Variants in CTNNA3 observed in about 807,000 individuals in gnomAD.
CTNNA3 encodes the protein catenin alpha-3.
A neutral mutation model predicts 95.7 loss-of-function variants in CTNNA3; 76 were observed. The observed-to-expected ratio is 0.79, with a 90% CI of 0.66 to 0.96. The LOEUF is 0.96. Ranked by LOEUF, CTNNA3 falls within the 40% of genes least tolerant of loss-of-function variation. The probability of loss-of-function intolerance (pLI) is 0.00; values close to 1 mark genes in which losing one functional copy is unlikely to be tolerated. For missense variants in CTNNA3, 1,191 were observed against 1,089.8 expected, an observed-to-expected ratio of 1.09 and a Z score of -1.31; for synonymous variants, 431 against 374.4, an observed-to-expected ratio of 1.15 and a Z score of -1.74.
At chr10:67,745,898 T>G (rs1003976666) in intron 1 of CTNNA3, among the ~76,000 whole-genome samples, 1 of 151,860 alleles carries the variant, frequency 6.6e-6, no homozygotes, top group Non-Finnish European at 1.5e-5. Flanking sequence ...AAGAAAACCA[T>G]AAGACACTGA....
chr10:66,588,905 T>C (rs565974211), intron 10 of CTNNA3, among the ~76,000 whole-genome samples: 16 of 151,158 alleles, frequency 1.1e-4, no homozygotes, highest in African/African-American at 3.9e-4. Context: ...ACAGTGGAGA[T>C]AAAAGAAGGT....
At chr10:67,703,488 T>A (rs563799843) in intron 1 of CTNNA3, among the ~76,000 whole-genome samples, 1 of 152,274 alleles carries the variant, frequency 6.6e-6, no homozygotes, top group East Asian at 1.9e-4. Context: ...AATCAATAAA[T>A]GTAATCCAGC....
At position 66,280,528 on chromosome 10, in the gene CTNNA3, A is replaced by T; in HGVS notation, c.1826T>A (p.Ile609Asn). The stretch of plus-strand genomic sequence containing the variant: ...AATTGTATCATAGATCTTCTTTGAG[A>T]TGTCCACAAATTGATTATCATCCAA... ...NVLDDNQFVD[I>N]SKKIYDTIHD... The change falls in exon 13 of 18, where the codon ATC becomes AAC. Residue 609 changes from isoleucine to asparagine, a missense_variant. By Grantham distance (149) the Ile-to-Asn change is moderately radical (BLOSUM62 -3). Coordinates refer to ENST00000433211, the MANE Select transcript of CTNNA3 (RefSeq NM_013266.4). 6.2e-7 allele frequency: 1 copy of T among 1,609,974 alleles called. No individual in the cohort carries two copies. Among genetic ancestry groups the T allele is most frequent in the Non-Finnish European group, 8.5e-7 (1 of 1,177,900 alleles).
At chr10:67,302,251 G>A (rs570235973) in intron 5 of CTNNA3, among the ~76,000 whole-genome samples, 1 of 152,170 alleles carries the variant, frequency 6.6e-6, no homozygotes, top group East Asian at 1.9e-4. Flanking sequence ...ATGAGAGTAC[G>A]ATGGTAGTTA....
Position 67,080,834 on chromosome 10 carries a change from G to A in CTNNA3, c.1047+99483C>T, listed in dbSNP as rs189205530. Among the ~76,000 whole-genome samples, 37 of 151,970 alleles carry A rather than the reference G, an allele frequency of 2.4e-4. No individual in the cohort carries two copies. In the East Asian group the frequency reaches 5.2e-3, roughly 22 times the overall value. On this transcript the variant is annotated intron_variant, in intron 7 of 17. Transcript: ENST00000433211. Reference sequence around the variant, plus strand: ...TGAGGCAGGAGAATGGCGTGAACCCGGGAGGCAGAGCTTGCAGTGAGCCCA... The same window carrying A: ...TGAGGCAGGAGAATGGCGTGAACCCAGGAGGCAGAGCTTGCAGTGAGCCCA...
At chr10:67,026,948 C>T (rs1270118149) in intron 7 of CTNNA3, among the ~76,000 whole-genome samples, 3 of 152,190 alleles carry the variant, frequency 2.0e-5, no homozygotes, top group Admixed American at 2.0e-4. Flanking sequence ...ATCATGCCTT[C>T]TTTATTCTGT....
At chr10:67,061,020 T>C (rs2133219046) in intron 7 of CTNNA3, among the ~76,000 whole-genome samples, 1 of 152,212 alleles carries the variant, frequency 6.6e-6, no homozygotes, top group Non-Finnish European at 1.5e-5. Context: ...GAACCTTCCT[T>C]AGTGACTCAA....
intron 12 of CTNNA3, among the ~76,000 whole-genome samples, chr10:66,322,142 A>G (rs1409650893): frequency 6.6e-6 from 1 of 152,122 alleles, no homozygotes; most frequent in Non-Finnish European, 1.5e-5. Flanking sequence ...ACCATTGAAG[A>G]GCTCTAAGTA....
chr10:67,233,266 G>T (rs1865306609), intron 5 of CTNNA3, among the ~76,000 whole-genome samples: 2 of 151,902 alleles, frequency 1.3e-5, no homozygotes, highest in South Asian at 4.2e-4. Context: ...TGGAAGTAAA[G>T]CTCTCCTCAG....
intron 7 of CTNNA3, among the ~76,000 whole-genome samples, chr10:67,020,238 A>G (rs1452782779): frequency 6.6e-6 from 1 of 152,230 alleles, no homozygotes; most frequent in Non-Finnish European, 1.5e-5. Context: ...TAACAAATGA[A>G]GCAAATAAGT....
At chr10:66,488,881 C>A (rs1589322215) in intron 11 of CTNNA3, among the ~76,000 whole-genome samples, 1 of 150,656 alleles carries the variant, frequency 6.6e-6, no homozygotes, top group African/African-American at 2.4e-5. Flanking sequence ...ACTTTACATG[C>A]AAGGACATAT....
intron 13 of CTNNA3, among the ~76,000 whole-genome samples, chr10:66,182,110 C>T (rs966727782): frequency 3.9e-5 from 6 of 152,154 alleles, no homozygotes; most frequent in Non-Finnish European, 8.8e-5. Context: ...AATTCCCATT[C>T]CATACTTAAT....
chr10:67,160,012 A>G (rs1332598104), intron 7 of CTNNA3, among the ~76,000 whole-genome samples: 2 of 152,192 alleles, frequency 1.3e-5, no homozygotes, highest in Non-Finnish European at 2.9e-5. Flanking sequence ...CAGTAATTCA[A>G]GCAGCTCAAT....
chr10:66,366,516 T>C (rs1589147519), intron 12 of CTNNA3, among the ~76,000 whole-genome samples: 1 of 152,240 alleles, frequency 6.6e-6, no homozygotes, highest in South Asian at 2.1e-4. Flanking sequence ...TGAACAGTTA[T>C]TAGTGCCTTT....
intron 2 of CTNNA3, among the ~76,000 whole-genome samples, chr10:67,612,588 C>T (rs1843496282): frequency 6.6e-6 from 1 of 152,116 alleles, no homozygotes. Flanking sequence ...TAGGTTTCAT[C>T]TTAAATAAAA....
At chr10:67,487,046 C>T (rs556746394) in intron 5 of CTNNA3, among the ~76,000 whole-genome samples, 6 of 152,224 alleles carry the variant, frequency 3.9e-5, no homozygotes, top group East Asian at 3.9e-4. Flanking sequence ...CATGATGAGG[C>T]CCCATCAGTG....
chr10:66,453,520 G>T (rs2093477899), intron 11 of CTNNA3, among the ~76,000 whole-genome samples: 1 of 152,338 alleles, frequency 6.6e-6, no homozygotes, highest in South Asian at 2.1e-4. Context: ...GGAGAAAGAA[G>T]TGCTAGGGAA....
intron 13 of CTNNA3, among the ~76,000 whole-genome samples, chr10:66,144,511 G>C: frequency 6.6e-6 from 1 of 151,442 alleles, no homozygotes; most frequent in East Asian, 1.9e-4. Context: ...TTTTGAGACA[G>C]AGTTTCGCTC....
chr10:67,732,024 C>A lies in CTNNA3; in HGVS notation c.-2+31410G>T, dbSNP rs1012942964. Among the ~76,000 whole-genome samples, 3 of 150,878 alleles carry A rather than the reference C, an allele frequency of 2.0e-5. 1 individual carries two copies. The South Asian group carries it at 6.3e-4, about 32-fold the overall frequency. On this transcript the variant is annotated intron_variant, in intron 1 of 17. Coordinates refer to the CTNNA3 transcript ENST00000684154. ...CTCGAACACCTAACCTTATGATCCA[C>A]CCACCTCGGCCTCCCAAAGTGCTGA... is the stretch of plus-strand genomic sequence containing the variant.
Sources: allele counts gnomAD v4.1 joint callset (sites outside exome capture counted in the v4.1 genomes callset), GRCh38; gene constraint gnomAD v4.1.1; transcripts MANE v1.5; gene names NCBI Gene and HGNC (gene_info 2026-07-23, HGNC 2026-07-21).